Variants in IMPG2 observed in about 807,000 individuals in gnomAD.
IMPG2 encodes IPM 200.
A neutral mutation model predicts 129.2 loss-of-function variants in IMPG2; 91 were observed. The observed-to-expected ratio is 0.70, with a 90% CI of 0.59 to 0.84. The LOEUF is 0.84. Ranked by LOEUF, IMPG2 falls within the 40% of genes least tolerant of loss-of-function variation. The probability of loss-of-function intolerance (pLI) is 0.00; values close to 1 mark genes in which losing one functional copy is unlikely to be tolerated. For missense variants in IMPG2, 1,430 were observed against 1,461.7 expected, an observed-to-expected ratio of 0.98 and a Z score of 0.35; for synonymous variants, 510 against 517.7, an observed-to-expected ratio of 0.99 and a Z score of 0.20.
chr3:101,309,932 A>T (rs1056136411), intron 2 of IMPG2, among the ~76,000 whole-genome samples: 1 of 152,240 alleles, frequency 6.6e-6, no homozygotes, highest in Non-Finnish European at 1.5e-5. Context: ...AAAAGAGCAC[A>T]TACTATTCTA....
chr3:101,228,885 A>G lies in IMPG2; in HGVS notation c.3634-9T>C, dbSNP rs1002416595. ...ATTCTCTCTTGAATTTCCTTAAACA[A>G]AAAAGAAACAATAGGCCACACATTG... On this transcript the variant is annotated splice_polypyrimidine_tract_variant and intron_variant, in intron 17 of 18. Transcript: ENST00000193391. The G allele has an allele frequency of 1.9e-6, 3 of 1,603,040 alleles. No individual in the cohort carries two copies. The highest frequency in any genetic ancestry group is 2.6e-6 in the Non-Finnish European group (3 of 1,170,012).
At chr3:101,227,108 T>G in intron 18 of IMPG2, 127 bp from the exon 19 acceptor site, 4 of 1,104,336 alleles carry the variant, frequency 3.6e-6, no homozygotes, top group Non-Finnish European at 5.4e-6. Context: ...TTTCTTTATT[T>G]GAAGGAAAGT....
rs1306076730 is a variant in IMPG2, at chr3:101,224,269, T to TA, written c.*2699dup. On this transcript the variant is annotated 3_prime_UTR_variant, in exon 19 of 19. Transcript: ENST00000193391. ...TAAATTCCCCTTTATCCATAACCCA[T>TA]AAAAAAGGATAGTGTATATAATTCA... 6.6e-6 allele frequency: 1 copy of TA among 152,130 alleles called. No individual in the cohort carries two copies. Among genetic ancestry groups the TA allele is most frequent in the African/African-American group, 2.4e-5 (1 of 41,430 alleles). 9.4% of individuals were successfully genotyped at this position (152,130 alleles called of 1,614,324 possible).
rs749945015 is a variant in IMPG2, at chr3:101,267,479, C to T, written c.908+32G>A. On this transcript the variant is annotated intron_variant, in intron 9 of 18. Transcript: ENST00000193391. ...ATATTTACTAAACTGTCTCCCAATTCAATGGACATTAGAGAAAGTGCCAAA... is the reference window on the plus strand; with the variant it reads ...ATATTTACTAAACTGTCTCCCAATTTAATGGACATTAGAGAAAGTGCCAAA... 7.5e-6 allele frequency: 12 copies of T among 1,595,664 alleles called. No individual in the cohort carries two copies. The South Asian group carries it at 1.2e-4, about 16-fold the overall frequency.
At chr3:101,281,114 A>G (rs1706888789) in intron 4 of IMPG2, among the ~76,000 whole-genome samples, 1 of 152,210 alleles carries the variant, frequency 6.6e-6, no homozygotes, top group African/African-American at 2.4e-5. Context: ...GTGATTAGGT[A>G]GAAATTCTGT....
At chr3:101,237,083 T>G (rs1576745264) in intron 14 of IMPG2, among the ~76,000 whole-genome samples, 2 of 152,084 alleles carry the variant, frequency 1.3e-5, no homozygotes, top group Non-Finnish European at 2.9e-5. Flanking sequence ...CCCCTCACAG[T>G]GTAAATAAAG....
Position 101,257,667 on chromosome 3 carries a change from C to G in IMPG2, c.1015G>C (p.Val339Leu). Residue 339 changes from valine (V) to leucine (L), a missense_variant, in exon 10 of 19, where the codon GTG becomes CTG. By Grantham distance (32) the Val-to-Leu change is conservative. Coordinates refer to ENST00000193391, the MANE Select transcript of IMPG2 (RefSeq NM_016247.4). ...HSNKVENHGLVELDDKPTVVY... is the reference protein window; with the variant it reads ...HSNKVENHGLLELDDKPTVVY... ...ACAGTGGGTTTATCATCCAGTTCCA[C>G]AAGGCCATGGTTTTCCACCTTGTTG... The G allele has an allele frequency of 1.2e-6, 2 of 1,613,446 alleles. No individual in the cohort carries two copies. The highest frequency in any genetic ancestry group is 1.7e-6 in the Non-Finnish European group (2 of 1,179,580).
chr3:101,268,885 C>G (rs1706748787), intron 8 of IMPG2, among the ~76,000 whole-genome samples: 1 of 152,136 alleles, frequency 6.6e-6, no homozygotes, highest in South Asian at 2.1e-4. Context: ...ATACTTCATC[C>G]CTTTAAACCT....
chr3:101,289,950 G>T (rs998928803), intron 4 of IMPG2, among the ~76,000 whole-genome samples: 1 of 150,524 alleles, frequency 6.6e-6, no homozygotes, highest in Non-Finnish European at 1.5e-5. Flanking sequence ...CAACTAGATG[G>T]ATGATAATGC....
At chr3:101,240,454 G>A (rs775791833) in intron 14 of IMPG2, among the ~76,000 whole-genome samples, 56 of 151,928 alleles carry the variant, frequency 3.7e-4, no homozygotes, top group Middle Eastern at 3.2e-3. Context: ...ATTGACCTTC[G>A]CAAAAGTTTT....
chr3:101,232,189 T>C (rs1225939138), intron 15 of IMPG2, among the ~76,000 whole-genome samples: 3 of 152,014 alleles, frequency 2.0e-5, no homozygotes, highest in Admixed American at 1.3e-4. Context: ...TACAAAGATC[T>C]CCATCTGCTC....
rs185097113 is a variant in IMPG2 at position 101,263,681 on chromosome 3, A to C, written c.908+3830T>G. On this transcript the variant is annotated intron_variant, in intron 9 of 18. Coordinates refer to ENST00000193391, the MANE Select transcript of IMPG2 (RefSeq NM_016247.4). ...AAACAAACCAAACCAAAAAATTAGC[A>C]GCAGGAAAGAAATAATAAAGATCAG... Among the ~76,000 whole-genome samples the C allele has an allele frequency of 3.7e-3, 561 of 152,104 alleles. 3 individuals carry two copies. The highest frequency in any genetic ancestry group is 0.013 in the African/African-American group (542 of 41,568).
intron 13 of IMPG2, 35 bp from the exon 14 acceptor site, chr3:101,242,942 C>G (rs371670690): frequency 1.3e-6 from 2 of 1,557,378 alleles, no homozygotes; most frequent in Admixed American, 1.7e-5. Context: ...TTATTGACAG[C>G]GTGTCACATT....
chr3:101,229,326 C>G, intron 17 of IMPG2, 54 bp downstream of exon 17: 8 of 1,353,272 alleles, frequency 5.9e-6, no homozygotes, highest in South Asian at 1.2e-5. Context: ...CCCTGCTCCC[C>G]CACACACACA....
chr3:101,262,770 C>CAAA (rs200218148), intron 9 of IMPG2, among the ~76,000 whole-genome samples: 101 of 130,484 alleles, frequency 7.7e-4, no homozygotes, highest in African/African-American at 2.5e-3. Context: ...GAAAGGATAA[C>CAAA]AAAAAAAAAA....
chr3:101,317,280 G>T (rs1181970151), intron 2 of IMPG2, among the ~76,000 whole-genome samples: 1 of 151,992 alleles, frequency 6.6e-6, no homozygotes, highest in East Asian at 1.9e-4. Flanking sequence ...GTCCAACAAC[G>T]AATATTTTTT....
rs116281130 is a variant in IMPG2 at position 101,231,628 on chromosome 3, G to C, written c.3234-483C>G. Among the ~76,000 whole-genome samples the C allele has an allele frequency of 4.6e-5, 7 of 152,226 alleles. No individual in the cohort carries two copies. The East Asian group carries it at 1.4e-3, about 29-fold the overall frequency. ...AATATTAATTTCTCTGGACATGAAG[G>C]GACTGTTTTTCTCCTTATAAACTTT... On this transcript the variant is annotated intron_variant, in intron 15 of 18. Transcript: ENST00000193391.
At chr3:101,247,840 C>T (rs1706498799) in intron 11 of IMPG2, among the ~76,000 whole-genome samples, 2 of 152,106 alleles carry the variant, frequency 1.3e-5, no homozygotes, top group African/African-American at 2.4e-5. Flanking sequence ...TCAACTGGAA[C>T]CTTTAAGAAA....
rs781172642 is a variant in IMPG2, at chr3:101,230,993, G to C, written c.3386C>G (p.Ala1129Gly). The C allele has an allele frequency of 4.3e-6, 7 of 1,613,712 alleles. No individual in the cohort carries two copies. In the East Asian group the frequency reaches 1.3e-4, roughly 31 times the overall value. ...IIYFFIRTLQ[A>G]HHDRSERESP... is the part of the protein sequence containing the mutation. ...CTCTCTTTCACTCCTGTCATGGTGT[G>C]CTTGGAGAGTCCTGATGAAGAAGTA... Residue 1129 changes from alanine (A) to glycine (G), a missense_variant, in exon 16 of 19, where the codon GCA becomes GGA. Coordinates refer to ENST00000193391, the MANE Select transcript of IMPG2 (RefSeq NM_016247.4).
Sources: gnomAD v4.1 joint callset for allele counts (sites outside exome capture counted in the v4.1 genomes callset) on GRCh38, gnomAD v4.1.1 for gene constraint, MANE v1.5 for transcripts, NCBI Gene and HGNC (gene_info 2026-07-23, HGNC 2026-07-21) for gene names.